The following USP54 variants were observed in gnomAD, a reference collection of about 807,000 sequenced individuals.
The protein encoded by USP54 is ubiquitin carboxyl-terminal hydrolase 54.
A neutral mutation model predicts 170.5 loss-of-function variants in USP54; 87 were observed. That is an observed-to-expected ratio of 0.51 (90% CI 0.43 to 0.61). USP54 has a LOEUF of 0.61. Ranked by LOEUF, USP54 falls within the 20% of genes least tolerant of loss-of-function variation. The pLI, the probability that USP54 is intolerant of heterozygous loss-of-function variation, is 0.00. For synonymous variants in USP54, 655 were observed against 742.8 expected (o/e 0.88, Z 1.92); for missense variants, 1,786 against 2,047.8 (o/e 0.87, Z 2.47).
At chr10:73,574,328 G>C (rs568587199) in intron 3 of USP54, among the ~76,000 whole-genome samples, 1 of 140,282 alleles carries the variant, frequency 7.1e-6, no homozygotes, top group East Asian at 1.9e-4. Flanking sequence ...AGCTCAAAGA[G>C]AGGAGATAAG....
intron 4 of USP54, among the ~76,000 whole-genome samples, chr10:73,556,534 C>A (rs1055025500): frequency 6.6e-6 from 1 of 151,822 alleles, no homozygotes; most frequent in Non-Finnish European, 1.5e-5. Context: ...TTAGTAGAGA[C>A]AGGGTTTCAC....
At chr10:73,541,823 CA>C in intron 7 of USP54, 85 bp from the exon 8 acceptor site, 2 of 1,377,996 alleles carry the variant, frequency 1.5e-6, no homozygotes, top group Non-Finnish European at 2.0e-6. Flanking sequence ...CTAACTCACA[CA>C]TTTGACTTTC....
At chr10:73,510,473 G>A (rs1486584756) in intron 20 of USP54, among the ~76,000 whole-genome samples, 3 of 131,774 alleles carry the variant, frequency 2.3e-5, no homozygotes, top group African/African-American at 5.7e-5. Context: ...TTTTTGAGAT[G>A]GCAGTTTTGC....
Position 73,517,492 on chromosome 10 carries a change from T to C in USP54, c.2934A>G (p.Pro978=), listed in dbSNP as rs766368057. 6.2e-7 allele frequency: 1 copy of C among 1,614,232 alleles called. No homozygotes were observed. The highest frequency in any genetic ancestry group is 8.5e-7 in the Non-Finnish European group (1 of 1,180,042). ...AFHRQGLPKA[P]GWTEKNSHHS... ...GATGAGAATTCTTCTCAGTCCACCCTGGTGCTTTAGGTAAACCTTGCCTGT... is the reference window on the plus strand; with the variant it reads ...GATGAGAATTCTTCTCAGTCCACCCCGGTGCTTTAGGTAAACCTTGCCTGT... The change falls in exon 20 of 24, where the codon CCA becomes CCG. Residue 978 remains proline, a synonymous_variant. Coordinates refer to ENST00000687698, the MANE Select transcript of USP54 (RefSeq NM_001391956.1).
chr10:73,625,389 T>C (rs998550435), intron 1 of USP54, among the ~76,000 whole-genome samples: 4 of 152,032 alleles, frequency 2.6e-5, no homozygotes, highest in African/African-American at 9.7e-5. Context: ...GCGGCGACGA[T>C]CTGGGACGCC....
In USP54 at chr10:73,616,309, G is replaced by A. The variant is rs182883269; in HGVS notation, c.-18+9258C>T. Among the ~76,000 whole-genome samples, 540 of 120,768 alleles carry A rather than the reference G, an allele frequency of 4.5e-3. 34 individuals are homozygous for A. Among genetic ancestry groups the A allele is most frequent in the African/African-American group, 0.018 (496 of 27,386 alleles). 79.2% of individuals were successfully genotyped at this position (120,768 alleles called of 152,430 possible). A position where few individuals can be genotyped will look rare whatever the true frequency, so the allele number is the denominator to read the frequency against. On this transcript the variant is annotated intron_variant, in intron 1 of 22. Transcript: ENST00000339859. The stretch of plus-strand genomic sequence containing the variant: ...GCCGAGATTGCGCCACTGCACTCCA[G>A]CCTAGGCGACAGCAAGACTCCATCT...
intron 12 of USP54, among the ~76,000 whole-genome samples, chr10:73,531,382 T>A (rs1315642111): frequency 6.6e-6 from 1 of 152,030 alleles, no homozygotes; most frequent in Admixed American, 6.5e-5. Flanking sequence ...CCACTCCTAA[T>A]CTTCCCCAGT....
intron 4 of USP54, among the ~76,000 whole-genome samples, chr10:73,566,745 A>AC (rs201529037): frequency 6.6e-6 from 1 of 151,958 alleles, no homozygotes; most frequent in African/African-American, 2.4e-5. Flanking sequence ...AAACAAACAA[A>AC]AAAACAAAAC....
rs370085610 is a variant in USP54, at chr10:73,541,447, T to C, written c.753A>G (p.Val251=). The C allele has an allele frequency of 1.9e-6, 3 of 1,614,184 alleles. No homozygotes were observed. The highest frequency in any genetic ancestry group is 1.6e-4 in the Middle Eastern group (1 of 6,062). ...CTAAGTCTGAGTGGTCTGAGTCCCA[T>C]ACCAGCCCAATCGTGATAATCTGTG... ...NAPQIITIGL[V]WDSDHSDLAE... is the part of the protein sequence containing the mutation. Residue 251 remains valine (V), a synonymous_variant, in exon 9 of 24, where the codon GTA becomes GTG. Coordinates refer to ENST00000687698, the MANE Select transcript of USP54 (RefSeq NM_001391956.1).
intron 1 of USP54, among the ~76,000 whole-genome samples, chr10:73,607,429 ATT>A (rs113717179): frequency 6.6e-6 from 1 of 152,044 alleles, no homozygotes; most frequent in African/African-American, 2.4e-5. Flanking sequence ...GTCTTTAATT[ATT>A]TGTCATATTC....
chr10:73,591,409 G>C (rs1325795783), upstream of USP54: 1 of 152,104 alleles, frequency 6.6e-6, no homozygotes, highest in African/African-American at 2.4e-5. Context: ...GGGAGGAGAC[G>C]ACTGTAGCTA....
intron 1 of USP54, among the ~76,000 whole-genome samples, chr10:73,580,647 ACTGCAACCT>A: frequency 6.6e-6 from 1 of 152,226 alleles, no homozygotes; most frequent in African/African-American, 2.4e-5. Context: ...ATCTTGGCTC[ACTGCAACCT>A]CTGCCTCCCG....
intron 1 of USP54, among the ~76,000 whole-genome samples, chr10:73,605,365 ATTTT>A (rs998229927): frequency 6.7e-6 from 1 of 149,666 alleles, no homozygotes; most frequent in African/African-American, 2.5e-5. Context: ...CACCTAGCCA[ATTTT>A]TTTTTTAATT....
chr10:73,606,630 G>A (rs1321652646), intron 1 of USP54, among the ~76,000 whole-genome samples: 2 of 152,204 alleles, frequency 1.3e-5, no homozygotes, highest in Non-Finnish European at 2.9e-5. Context: ...TGTAATCCCA[G>A]CACTTTGGGA....
chr10:73,566,500 A>C (rs973095613), intron 4 of USP54, among the ~76,000 whole-genome samples: 1 of 152,030 alleles, frequency 6.6e-6, no homozygotes, highest in Non-Finnish European at 1.5e-5. Flanking sequence ...TTGGGGGCCG[A>C]GGCGGGTGGA....
rs2081299424 is a variant in USP54, at chr10:73,624,175, T to C, written c.-18+1392A>G. On this transcript the variant is annotated intron_variant, in intron 1 of 22. Transcript: ENST00000339859. ...TTTAAAAGCCATATATATATATATA[T>C]ATATATATATATATATATATGTATT... Among the ~76,000 whole-genome samples, 6 of 116,604 alleles carry C rather than the reference T, an allele frequency of 5.1e-5. No individual in the cohort carries two copies. In the South Asian group the frequency reaches 1.9e-3, roughly 37 times the overall value. The allele number at this position is 116,604 out of a possible 152,430, so 76.5% of individuals were successfully genotyped here.
At chr10:73,558,504 T>C (rs1486862560) in intron 4 of USP54, among the ~76,000 whole-genome samples, 1 of 152,182 alleles carries the variant, frequency 6.6e-6, no homozygotes, top group Non-Finnish European at 1.5e-5. Context: ...TATAAAATTG[T>C]ATACAGGCAT....
At chr10:73,602,409 C>T (rs1343720064) in intron 1 of USP54, among the ~76,000 whole-genome samples, 2 of 151,846 alleles carry the variant, frequency 1.3e-5, no homozygotes, top group African/African-American at 4.8e-5. Flanking sequence ...AAAAATTAGC[C>T]GGGCGTGGTG....
chr10:73,528,122 G>C (rs1389310489), intron 15 of USP54, among the ~76,000 whole-genome samples: 1 of 151,978 alleles, frequency 6.6e-6, no homozygotes, highest in Non-Finnish European at 1.5e-5. Flanking sequence ...TTTTAGTAGA[G>C]ACGGGGTTTC....
Sources: gnomAD v4.1 joint callset for allele counts (sites outside exome capture counted in the v4.1 genomes callset) on GRCh38, gnomAD v4.1.1 for gene constraint, MANE v1.5 for transcripts, NCBI Gene and HGNC (gene_info 2026-07-23, HGNC 2026-07-21) for gene names.